GLRA3: variants seen among roughly 807,000 people sequenced by gnomAD.
GLRA3 encodes glycine receptor alpha 3.
A neutral mutation model predicts 60.4 loss-of-function variants in GLRA3; 44 were observed. The ratio of observed to expected loss-of-function variants is 0.73; its 90% CI spans 0.57 to 0.94. GLRA3 has a LOEUF of 0.94. GLRA3 is among the 40% of genes least tolerant of loss of function. GLRA3 has a pLI of 0.00. For missense variants in GLRA3, 508 were observed against 564.6 expected, an observed-to-expected ratio of 0.90 and a Z score of 1.02; for synonymous variants, 223 against 192.9, an observed-to-expected ratio of 1.16 and a Z score of -1.29.
At chr4:174,809,170 A>G (rs993682203) in intron 1 of GLRA3, among the ~76,000 whole-genome samples, 2 of 152,152 alleles carry the variant, frequency 1.3e-5, no homozygotes, top group Non-Finnish European at 2.9e-5. Flanking sequence ...CTATGTTTAG[A>G]TATGTTTAGA....
chr4:174,643,530 A>T lies in GLRA3; in HGVS notation c.*256T>A. ...CATTGGCAGTAAAGCTTCCACTTAC[A>T]TGGTTTACTGTGAAAAAACAAATCA... On this transcript the variant is annotated 3_prime_UTR_variant, in exon 10 of 10. Coordinates refer to ENST00000274093, the MANE Select transcript of GLRA3 (RefSeq NM_006529.4). The T allele has an allele frequency of 1.8e-6, 2 of 1,135,586 alleles. No individual in the cohort carries two copies. Among genetic ancestry groups the T allele is most frequent in the Non-Finnish European group, 2.2e-6 (2 of 922,220 alleles). The allele number at this position is 1,135,586 out of a possible 1,614,324, so 70.3% of individuals were successfully genotyped here. A position where few individuals can be genotyped will look rare whatever the true frequency, so the allele number is the denominator to read the frequency against.
intron 1 of GLRA3, among the ~76,000 whole-genome samples, chr4:174,807,659 AAG>A (rs1418714103): frequency 6.6e-6 from 1 of 152,146 alleles, no homozygotes; most frequent in African/African-American, 2.4e-5. Context: ...AATATTTTGA[AAG>A]AAAAAGTAAA....
intron 9 of GLRA3, among the ~76,000 whole-genome samples, chr4:174,655,064 A>G (rs998533928): frequency 6.6e-6 from 1 of 152,184 alleles, no homozygotes; most frequent in Non-Finnish European, 1.5e-5. Flanking sequence ...CCCTGTTGTG[A>G]CAAACTTTCT....
At chr4:174,794,562 A>G (rs1324472266) in intron 1 of GLRA3, among the ~76,000 whole-genome samples, 3 of 152,302 alleles carry the variant, frequency 2.0e-5, no homozygotes, top group East Asian at 1.9e-4. Context: ...TTCAAACCCT[A>G]TTAACAAGCA....
chr4:174,727,860 G>A (rs1242026704), intron 4 of GLRA3, among the ~76,000 whole-genome samples: 4 of 151,832 alleles, frequency 2.6e-5, no homozygotes, highest in African/African-American at 2.4e-5. Flanking sequence ...TGTAAATAAG[G>A]TCTTTTCCAG....
chr4:174,748,476 T>C (rs1579546582), intron 3 of GLRA3, among the ~76,000 whole-genome samples: 1 of 152,114 alleles, frequency 6.6e-6, no homozygotes, highest in Admixed American at 6.6e-5. Context: ...GCTTTCATTT[T>C]AGGAGGGCAG....
At position 174,642,076 on chromosome 4, in the gene GLRA3, C is replaced by A; in HGVS notation, c.*1710G>T. The stretch of plus-strand genomic sequence containing the variant: ...ATAATGCCAAACATGATATTATTTC[C>A]TTATAGTGTTGTTTTAAGTTACTTA... On this transcript the variant is annotated 3_prime_UTR_variant, in exon 10 of 10. Transcript: ENST00000274093. The A allele has an allele frequency of 7.0e-6, 6 of 859,380 alleles. No homozygotes were observed. The highest frequency in any genetic ancestry group is 8.4e-6 in the Non-Finnish European group (6 of 715,312). The allele number at this position is 859,380 out of a possible 1,614,324, so 53.2% of individuals were successfully genotyped here.
intron 3 of GLRA3, among the ~76,000 whole-genome samples, chr4:174,742,425 T>G (rs1240390164): frequency 6.6e-6 from 1 of 152,180 alleles, no homozygotes; most frequent in African/African-American, 2.4e-5. Context: ...GCAAGCAATT[T>G]AGTCTTAATA....
chr4:174,788,996 T>C (rs1373867145), intron 1 of GLRA3, 53 bp from the exon 2 acceptor site: 2 of 1,168,590 alleles, frequency 1.7e-6, no homozygotes, highest in East Asian at 5.1e-5. Context: ...TTTCTAATAA[T>C]TGTTACCTAC....
intron 3 of GLRA3, among the ~76,000 whole-genome samples, chr4:174,733,433 TC>T (rs1191290344): frequency 6.6e-6 from 1 of 152,146 alleles, no homozygotes; most frequent in Non-Finnish European, 1.5e-5. Flanking sequence ...AGACTACCTC[TC>T]CCCAGTGCCA....
Position 174,744,909 on chromosome 4 carries a change from A to T in GLRA3, c.268-16211T>A, listed in dbSNP as rs184220412. On this transcript the variant is annotated intron_variant, in intron 3 of 9. Transcript: ENST00000274093. ...AAAATACAATACACAGAAATCAGAA[A>T]AACAATTCAGGATATGAATGAGAAA... Among the ~76,000 whole-genome samples, 275 of 152,308 alleles carry T rather than the reference A, an allele frequency of 1.8e-3. 1 individual carries two copies. The highest frequency in any genetic ancestry group is 6.9e-3 in the Admixed American group (106 of 15,308).
chr4:174,723,538 C>T (rs12650824), intron 4 of GLRA3, among the ~76,000 whole-genome samples: 28,846 of 151,912 alleles, frequency 0.19, 3,232 homozygotes, highest in East Asian at 0.47. Context: ...TACATACAAA[C>T]ACACACAACT....
intron 4 of GLRA3, among the ~76,000 whole-genome samples, chr4:174,717,268 G>A (rs1283941199): frequency 2.8e-5 from 4 of 143,002 alleles, no homozygotes; most frequent in African/African-American, 2.6e-5. Flanking sequence ...GAGGGAGGGA[G>A]AGAGAGAGAG....
intron 7 of GLRA3, among the ~76,000 whole-genome samples, chr4:174,676,755 G>A (rs966301856): frequency 6.6e-6 from 1 of 151,960 alleles, no homozygotes; most frequent in Admixed American, 6.6e-5. Flanking sequence ...TTACCATGTA[G>A]ATTCAACTTA....
intron 3 of GLRA3, among the ~76,000 whole-genome samples, chr4:174,752,104 C>T (rs1737510829): frequency 6.6e-6 from 1 of 152,150 alleles, no homozygotes; most frequent in African/African-American, 2.4e-5. Flanking sequence ...ATCTTTATAG[C>T]TAGTTATAAT....
At chr4:174,695,435 T>C (rs774899153) in intron 5 of GLRA3, among the ~76,000 whole-genome samples, 1 of 152,062 alleles carries the variant, frequency 6.6e-6, no homozygotes, top group Non-Finnish European at 1.5e-5. Context: ...TGGTTCAACA[T>C]ATGCAAATCG....
chr4:174,637,756 T>A lies in GLRA3; in HGVS notation c.*6030A>T, dbSNP rs571017978. 1 of 152,310 alleles carries A rather than the reference T, an allele frequency of 6.6e-6. No individual in the cohort carries two copies. The highest frequency in any genetic ancestry group is 2.1e-4 in the South Asian group (1 of 4,830). The allele number at this position is 152,310 out of a possible 1,614,324, so 9.4% of individuals were successfully genotyped here. Reference sequence around the variant, plus strand: ...TCATATTACTTTGTAGAGTTTTATATAATATCTTCATATCTGAAATAAATT... The same window carrying A: ...TCATATTACTTTGTAGAGTTTTATAAAATATCTTCATATCTGAAATAAATT... On this transcript the variant is annotated 3_prime_UTR_variant, in exon 10 of 10. Coordinates refer to ENST00000274093, the MANE Select transcript of GLRA3 (RefSeq NM_006529.4).
At chr4:174,746,393 T>C (rs971921133) in intron 3 of GLRA3, among the ~76,000 whole-genome samples, 1 of 152,090 alleles carries the variant, frequency 6.6e-6, no homozygotes, top group African/African-American at 2.4e-5. Context: ...AAGTCAGGTA[T>C]GGAAAGACAA....
chr4:174,710,242 G>A (rs1200631875), intron 5 of GLRA3, among the ~76,000 whole-genome samples: 1 of 151,786 alleles, frequency 6.6e-6, no homozygotes, highest in Non-Finnish European at 1.5e-5. Flanking sequence ...TACTTCTAAG[G>A]TTGTGTCTCT....
Sources: gnomAD v4.1 joint callset for allele counts (sites outside exome capture counted in the v4.1 genomes callset) on GRCh38, gnomAD v4.1.1 for gene constraint, MANE v1.5 for transcripts, NCBI Gene and HGNC (gene_info 2026-07-23, HGNC 2026-07-21) for gene names.